Variants in ZNF215 observed in about 807,000 individuals in gnomAD.
ZNF215 encodes the protein BWSCR2-associated zinc finger protein 2.
In ZNF215, 24 loss-of-function variants were observed where a neutral mutation model predicts 27.2. The ratio of observed to expected loss-of-function variants is 0.88; its 90% CI spans 0.64 to 1.24. The LOEUF is 1.24. ZNF215 is among the 50% of genes most tolerant of loss of function. ZNF215 has a pLI of 0.00. For synonymous variants in ZNF215, 210 were observed against 204.0 expected (o/e 1.03, Z -0.25); for missense variants, 675 against 605.7 (o/e 1.11, Z -1.20).
At chr11:6,951,341 C>T (rs7110623) in intron 6 of ZNF215, among the ~76,000 whole-genome samples, 55,144 of 151,710 alleles carry the variant, frequency 0.36, 10,002 homozygotes, top group South Asian at 0.46. Flanking sequence ...TGGTAGAATT[C>T]GGCTGTGAAT....
intron 5 of ZNF215, among the ~76,000 whole-genome samples, chr11:6,982,779 G>A (rs1212406708): frequency 5.9e-5 from 9 of 151,934 alleles, no homozygotes; most frequent in Non-Finnish European, 1.3e-4. Context: ...GAAACTTATA[G>A]CACTAAATGC....
intron 3 of ZNF215, among the ~76,000 whole-genome samples, chr11:6,936,265 GA>G (rs1280394842): frequency 2.0e-5 from 3 of 151,830 alleles, no homozygotes; most frequent in Non-Finnish European, 2.9e-5. Context: ...CACTGATCAA[GA>G]AAAAAAGGAC....
At chr11:6,941,686 T>C in intron 4 of ZNF215, 33 bp downstream of exon 4, 2 of 1,606,704 alleles carry the variant, frequency 1.2e-6, no homozygotes, top group Non-Finnish European at 8.5e-7. Flanking sequence ...ACTGAACACA[T>C]ATGCTCATTT....
chr11:6,939,157 A>C (rs1182779095), intron 3 of ZNF215, among the ~76,000 whole-genome samples: 1 of 152,204 alleles, frequency 6.6e-6, no homozygotes, highest in Non-Finnish European at 1.5e-5. Flanking sequence ...GCAAGGAAGT[A>C]GATTGTTTGC....
chr11:6,944,201 G>A (rs1359190459), intron 6 of ZNF215, among the ~76,000 whole-genome samples: 5 of 151,982 alleles, frequency 3.3e-5, no homozygotes, highest in East Asian at 1.9e-4. Context: ...GCGTGAACCC[G>A]GGAGGCGGAG....
At chr11:6,947,089 C>T (rs367742198) in intron 6 of ZNF215, among the ~76,000 whole-genome samples, 1 of 152,084 alleles carries the variant, frequency 6.6e-6, no homozygotes. Flanking sequence ...TTATGTAACT[C>T]TGTATTTCCC....
At chr11:6,969,311 G>A (rs1850678426) in intron 5 of ZNF215, among the ~76,000 whole-genome samples, 1 of 151,996 alleles carries the variant, frequency 6.6e-6, no homozygotes, top group Admixed American at 6.6e-5. Flanking sequence ...TTACTTTCCT[G>A]TATCAAATTT....
intron 2 of ZNF215, among the ~76,000 whole-genome samples, chr11:6,930,946 G>A (rs943363350): frequency 7.9e-5 from 12 of 152,150 alleles, no homozygotes; most frequent in Non-Finnish European, 1.8e-4. Context: ...TGACGATTTG[G>A]ACTGGGTAAT....
chr11:6,948,852 A>G (rs1849928412), intron 6 of ZNF215, among the ~76,000 whole-genome samples: 1 of 148,910 alleles, frequency 6.7e-6, no homozygotes. Flanking sequence ...GCACCCATTA[A>G]CTCGTCATTT....
At chr11:6,976,479 C>T (rs750108888) in intron 5 of ZNF215, among the ~76,000 whole-genome samples, 11 of 151,918 alleles carry the variant, frequency 7.2e-5, no homozygotes, top group East Asian at 1.9e-4. Context: ...TCCAGAAGAT[C>T]GTATCAGCTA....
rs1389672084 is a variant in ZNF215, at chr11:6,926,426, AGAAAGGGACG to A, written c.-583_-574del. The stretch of plus-strand genomic sequence containing the variant: ...GCCTGCAGAAAGGGACGGGGCCTGC[AGAAAGGGACG>A]GGGCTGGCAAAGGCCTGGTCTACCT... On this transcript the variant is annotated 5_prime_UTR_variant, in exon 1 of 7. Transcript: ENST00000278319. 1.4e-5 allele frequency: 2 copies of A among 140,020 alleles called. No individual in the cohort carries two copies. The highest frequency in any genetic ancestry group is 3.2e-5 in the Non-Finnish European group (2 of 62,152). 8.7% of individuals were successfully genotyped at this position (140,020 alleles called of 1,614,324 possible).
downstream of ZNF215, among the ~76,000 whole-genome samples, chr11:6,960,551 G>A (rs1209627998): frequency 6.6e-6 from 1 of 152,102 alleles, no homozygotes; most frequent in African/African-American, 2.4e-5. Flanking sequence ...GAGGATAATA[G>A]GGTAAAGCAA....
chr11:6,944,706 T>TA (rs1451069005), intron 6 of ZNF215, among the ~76,000 whole-genome samples: 1 of 152,100 alleles, frequency 6.6e-6, no homozygotes, highest in African/African-American at 2.4e-5. Flanking sequence ...TAACATTTTT[T>TA]AAGCCATTTT....
At chr11:6,989,652 T>G (rs1367917376), downstream of ZNF215, among the ~76,000 whole-genome samples, 1 of 152,172 alleles carries the variant, frequency 6.6e-6, no homozygotes, top group Non-Finnish European at 1.5e-5. Flanking sequence ...TGCTGCACTC[T>G]TGGCTCTTCC....
In ZNF215 at chr11:6,943,528, T is replaced by C; in HGVS notation, c.617-18T>C. The C allele has an allele frequency of 6.2e-7, 1 of 1,602,020 alleles. No homozygotes were observed. Among genetic ancestry groups the C allele is most frequent in the African/African-American group, 1.3e-5 (1 of 74,390 alleles). On this transcript the variant is annotated intron_variant, in intron 5 of 6. Coordinates refer to ENST00000278319, the MANE Select transcript of ZNF215 (RefSeq NM_013250.4). ...ATATGTTTGTTGTTGTTGTTCTTTTTATTTTCTCCATGAACAGCACATCTA... is the reference window on the plus strand; with the variant it reads ...ATATGTTTGTTGTTGTTGTTCTTTTCATTTTCTCCATGAACAGCACATCTA...
Position 6,957,290 on chromosome 11 carries a change from C to T in ZNF215, c.*759C>T, listed in dbSNP as rs544272646. 3.5e-5 allele frequency: 22 copies of T among 629,670 alleles called. No individual in the cohort carries two copies. The highest frequency in any genetic ancestry group is 4.4e-5 in the Non-Finnish European group (22 of 505,256). The allele number at this position is 629,670 out of a possible 1,614,324, so 39.0% of individuals were successfully genotyped here. Reference sequence around the variant, plus strand: ...CACTGTGTGGAGTTCGCACACTCTCCCTATGTCTCCGGGTGCTCCAGTTTC... The same window carrying T: ...CACTGTGTGGAGTTCGCACACTCTCTCTATGTCTCCGGGTGCTCCAGTTTC... On this transcript the variant is annotated 3_prime_UTR_variant, in exon 7 of 7. Coordinates refer to ENST00000278319, the MANE Select transcript of ZNF215 (RefSeq NM_013250.4).
At chr11:6,987,162 T>C (rs1203019221), downstream of ZNF215, among the ~76,000 whole-genome samples, 1 of 152,188 alleles carries the variant, frequency 6.6e-6, no homozygotes, top group African/African-American at 2.4e-5. Context: ...GAAAATGTGG[T>C]ACATATATTC....
At chr11:6,976,872 C>G (rs1178098372) in intron 5 of ZNF215, among the ~76,000 whole-genome samples, 1 of 152,052 alleles carries the variant, frequency 6.6e-6, no homozygotes, top group East Asian at 1.9e-4. Context: ...AACAACTCAT[C>G]TTTATGTTCT....
chr11:6,946,509 AG>A (rs1429761062), intron 6 of ZNF215, among the ~76,000 whole-genome samples: 1 of 152,174 alleles, frequency 6.6e-6, no homozygotes, highest in African/African-American at 2.4e-5. Context: ...GATGATTCTA[AG>A]GGAACGCATT....
Sources: allele counts gnomAD v4.1 joint callset (sites outside exome capture counted in the v4.1 genomes callset), GRCh38; gene constraint gnomAD v4.1.1; transcripts MANE v1.5; gene names NCBI Gene and HGNC (gene_info 2026-07-23, HGNC 2026-07-21).